SLC4A9: variants seen among roughly 807,000 people sequenced by gnomAD.
SLC4A9 encodes solute carrier family 4 member 9, also known as anion exchange protein 4.
SLC4A9 carries 102 observed loss-of-function variants against 103.2 expected under a neutral mutation model. The ratio of observed to expected loss-of-function variants is 0.99; its 90% CI spans 0.84 to 1.17. The LOEUF (loss-of-function observed/expected upper bound fraction) is 1.17, where lower values mean the gene tolerates loss of function less well. Among genes scored for constraint, SLC4A9 ranks in the 50% most tolerant of loss-of-function variants. SLC4A9 has a pLI of 0.00. For missense variants in SLC4A9, 1,091 were observed against 1,193.7 expected (o/e 0.91, Z 1.27); for synonymous variants, 453 against 483.6 (o/e 0.94, Z 0.83).
intron 1 of SLC4A9, 22 bp from the exon 2 acceptor site, chr5:140,360,788 ACT>A: frequency 6.2e-7 from 1 of 1,613,086 alleles, no homozygotes; most frequent in Non-Finnish European, 8.5e-7. Flanking sequence ...CCTCAATAAC[ACT>A]GTCTACCCAC....
At position 140,372,263 on chromosome 5, in the gene SLC4A9, C is replaced by T; in HGVS notation, c.2692C>T (p.Arg898Ter). 7.0e-6 allele frequency: 11 copies of T among 1,569,158 alleles called. No individual in the cohort carries two copies. Among genetic ancestry groups the T allele is most frequent in the Non-Finnish European group, 9.4e-6 (11 of 1,164,066 alleles). Residue 898 changes from arginine to a stop codon, truncating the protein, a stop_gained, in exon 20 of 22, where the codon CGA (arginine) becomes TGA (stop). Transcript: ENST00000506757. LOFTEE classifies it high-confidence loss of function. ...GCAGTTGCTGGGCCTTGTGGGGGTC[C>T]GAAAGGCCCTGGAGAGGGTCTTCTC... Reference protein sequence around the residue: ...PLMLLGLVGVRKALERVFSPQ... With the variant: ...PLMLLGLVGV
Position 140,367,424 on chromosome 5 carries a change from C to T in SLC4A9, c.2018C>T (p.Thr673Ile). ...CCATGAAATGCCCTCCTCCAGCCCA[C>T]ACTCCCTGGGCGTGGCTGGCTGGTG... ...KLMVPREFKP[T>I]LPGRGWLVSP... Residue 673 changes from threonine to isoleucine, a missense_variant, in exon 15 of 22, where the codon ACA becomes ATA. Transcript: ENST00000506757. 24 of 1,611,912 alleles carry T rather than the reference C, an allele frequency of 1.5e-5. No individual in the cohort carries two copies. Among genetic ancestry groups the T allele is most frequent in the Non-Finnish European group, 2.0e-5 (23 of 1,179,162 alleles).
intron 15 of SLC4A9, 57 bp downstream of exon 15, chr5:140,367,638 C>CGCT: frequency 6.2e-7 from 1 of 1,600,004 alleles, no homozygotes; most frequent in Non-Finnish European, 8.5e-7. Context: ...GGGGAGTCTA[C>CGCT]GCTCCTCCTC....
chr5:140,363,980 A>G lies in SLC4A9; in HGVS notation c.1255-74A>G, dbSNP rs1261226557. On this transcript the variant is annotated intron_variant, in intron 9 of 21. Coordinates refer to ENST00000506757, the MANE Select transcript of SLC4A9 (RefSeq NM_031467.3). The surrounding 1 kb of genome is among the most constrained non-coding windows in gnomAD (Gnocchi z 4.5). ...CTTCCCCTGGGACTATGGGTAAGTT[A>G]AGGAGGCTCTCCCAAAGCTTCAAAG... 3.2e-6 allele frequency: 5 copies of G among 1,558,666 alleles called. No individual in the cohort carries two copies. The highest frequency in any genetic ancestry group is 1.7e-6 in the Non-Finnish European group (2 of 1,151,444).
At chr5:140,362,793 G>T in intron 6 of SLC4A9, 119 bp from the exon 7 acceptor site, 1 of 1,303,650 alleles carries the variant, frequency 7.7e-7, no homozygotes, top group Non-Finnish European at 1.1e-6. Context: ...CATGCATAAA[G>T]GAATGTGTGA....
chr5:140,360,557 C>T, intron 1 of SLC4A9, 91 bp downstream of exon 1: 1 of 1,273,442 alleles, frequency 7.9e-7, no homozygotes, highest in Non-Finnish European at 1.1e-6. Context: ...ATGGGGCTGC[C>T]CAAAATTAGG....
chr5:140,361,042 T>C, intron 2 of SLC4A9, 70 bp downstream of exon 2: 1 of 1,417,404 alleles, frequency 7.1e-7, no homozygotes, highest in Non-Finnish European at 9.5e-7. Flanking sequence ...CCCTCCAAAG[T>C]CTTGAAATCT....
intron 21 of SLC4A9, among the ~76,000 whole-genome samples, chr5:140,374,138 G>A (rs1561636457): frequency 3.3e-5 from 5 of 151,306 alleles, no homozygotes; most frequent in South Asian, 2.1e-4. Flanking sequence ...GCAGTGAGCC[G>A]AGATTGTGCC....
chr5:140,365,879 ACCCGGCAGGGAGGCCACCCTCGTGG>A lies in SLC4A9; in HGVS notation c.1760_1784del (p.Arg587LeufsTer30). 6.2e-7 allele frequency: 1 copy of A among 1,613,912 alleles called. No homozygotes were observed. The highest frequency in any genetic ancestry group is 8.5e-7 in the Non-Finnish European group (1 of 1,179,864). On this transcript the variant is annotated frameshift_variant, in exon 13 of 22. Transcript: ENST00000506757. LOFTEE classifies it high-confidence loss of function. ...ATCCTTGCTGCCGCCACCTGAGTGC[ACCCGGCAGGGAGGCCACCCTCGTGG>A]CCCTGGCTGTCATACAGTCCCAGAC...
rs1379066847 is a variant in SLC4A9, at chr5:140,367,575, A to G, written c.2169A>G (p.Arg723=). Residue 723 remains arginine, a synonymous_variant, in exon 15 of 22, where the codon AGA becomes AGG. Transcript: ENST00000506757. ...TCATCCTCAACCGCATGGAATACAG[A>G]CTGCAGGTAAGGCCTGCTGGGTAAG... The part of the protein sequence containing the change: ...TAVILNRMEY[R]LQKGAGFHLD... 1 of 1,602,878 alleles carries G rather than the reference A, an allele frequency of 6.2e-7. No individual in the cohort carries two copies. The highest frequency in any genetic ancestry group is 1.3e-5 in the African/African-American group (1 of 74,702).
At chr5:140,362,403 G>A (rs769841843) in intron 5 of SLC4A9, 42 bp from the exon 6 acceptor site, 22 of 1,582,230 alleles carry the variant, frequency 1.4e-5, no homozygotes, top group Non-Finnish European at 1.9e-5. Context: ...TGCCCTGTGG[G>A]AAAGCAGCCT....
Position 140,372,751 on chromosome 5 carries a change from C to T in SLC4A9, c.2833C>T (p.Leu945=), listed in dbSNP as rs1239827037. 6.3e-7 allele frequency: 1 copy of T among 1,580,390 alleles called. No individual in the cohort carries two copies. Among genetic ancestry groups the T allele is most frequent in the Non-Finnish European group, 8.6e-7 (1 of 1,162,376 alleles). ...FSGSDSEDSE[L]MYQPKAPEIN... is the part of the protein sequence containing the mutation. Reference sequence around the variant, plus strand: ...TGGGATCTGTCTTCCACAGTCAGAGCTGATGTATCAGCCAAAGGCTCCAGA... The same window carrying T: ...TGGGATCTGTCTTCCACAGTCAGAGTTGATGTATCAGCCAAAGGCTCCAGA... Residue 945 remains leucine, a synonymous_variant, in exon 21 of 22, where the codon CTG becomes TTG. Coordinates refer to ENST00000506757, the MANE Select transcript of SLC4A9 (RefSeq NM_031467.3).
intron 6 of SLC4A9, 106 bp from the exon 7 acceptor site, chr5:140,362,806 G>T: frequency 7.1e-7 from 1 of 1,408,386 alleles, no homozygotes; most frequent in Non-Finnish European, 1.0e-6. Context: ...ATGTGTGAAT[G>T]ACTTGTCTGC....
chr5:140,368,492 C>A, intron 16 of SLC4A9, 95 bp from the exon 17 acceptor site: 1 of 1,009,828 alleles, frequency 9.9e-7, no homozygotes, highest in Non-Finnish European at 1.4e-6. Context: ...TTTTCTCTTG[C>A]TGCCGGGGTC....
intron 2 of SLC4A9, 83 bp downstream of exon 2, chr5:140,361,055 C>T: frequency 7.4e-7 from 1 of 1,357,494 alleles, no homozygotes; most frequent in Non-Finnish European, 1.0e-6. Flanking sequence ...TGAAATCTTC[C>T]AGAGCCCATC....
At chr5:140,372,922 GC>G in intron 21 of SLC4A9, 79 bp downstream of exon 21, 1 of 832,794 alleles carries the variant, frequency 1.2e-6, no homozygotes, top group Non-Finnish European at 1.8e-6. Flanking sequence ...CAGTGTGTTG[GC>G]CAGCCCTGTT....
intron 17 of SLC4A9, among the ~76,000 whole-genome samples, chr5:140,370,325 G>A (rs1451022149): frequency 6.6e-6 from 1 of 151,648 alleles, no homozygotes; most frequent in Non-Finnish European, 1.5e-5. Flanking sequence ...TTAGCTGGGC[G>A]TGGTGGGGGG....
rs769090891 is a variant in SLC4A9 at position 140,362,899 on chromosome 5, C to A, written c.808-13C>A. The A allele has an allele frequency of 1.9e-6, 3 of 1,613,942 alleles. No individual in the cohort carries two copies. Among genetic ancestry groups the A allele is most frequent in the South Asian group, 2.2e-5 (2 of 91,084 alleles). ...GTTTGCACTTACCACCCATTCTGTG[C>A]CCCCATTCCCAGCAATTCCAGTGGT... On this transcript the variant is annotated splice_polypyrimidine_tract_variant and intron_variant, in intron 6 of 21. Transcript: ENST00000506757.
Position 140,362,145 on chromosome 5 carries a change from G to A in SLC4A9, c.690G>A (p.Gly230=). 6.4e-7 allele frequency: 1 copy of A among 1,558,872 alleles called. No homozygotes were observed. The change falls in exon 5 of 22, where the codon GGG becomes GGA. Residue 230 remains glycine (G), a synonymous_variant. Transcript: ENST00000506757. ...GACTGCGGAACCCTGTGGTACTGGG[G>A]TCCCTTACTGAGGTGTCCCTCCCAA... ...FVRLRNPVVL[G]SLTEVSLPSR... is the part of the protein sequence containing the mutation.
Sources: gnomAD v4.1 joint callset for allele counts (sites outside exome capture counted in the v4.1 genomes callset) on GRCh38, gnomAD v4.1.1 for gene constraint, Gnocchi (gnomAD v3.1) non-coding constraint, MANE v1.5 for transcripts, NCBI Gene and HGNC (gene_info 2026-07-23, HGNC 2026-07-21) for gene names.